LRMDA: variants seen among roughly 807,000 people sequenced by gnomAD.
LRMDA encodes the protein leucine-rich melanocyte differentiation-associated protein.
In LRMDA, 18 loss-of-function variants were observed where a neutral mutation model predicts 29.8. The ratio of observed to expected loss-of-function variants is 0.60; its 90% CI spans 0.42 to 0.90. The LOEUF (loss-of-function observed/expected upper bound fraction) is 0.90, where lower values mean the gene tolerates loss of function less well. LRMDA is among the 40% of genes least tolerant of loss of function. LRMDA has a pLI of 0.00. For synonymous variants in LRMDA, 125 were observed against 109.4 expected (o/e 1.14, Z -0.89); for missense variants, 273 against 273.9 (o/e 1.00, Z 0.02).
intron 6 of LRMDA, among the ~76,000 whole-genome samples, chr10:76,458,033 G>T (rs966371333): frequency 1.3e-5 from 2 of 150,914 alleles, no homozygotes; most frequent in African/African-American, 4.9e-5. Flanking sequence ...CCTCAACCTG[G>T]AACTCCTCTA....
rs375626127 is a variant in LRMDA, at chr10:76,240,179, T to TAC, written c.517-84209_517-84208dup. ...CAAGGAAATGCAAATCAAAATCGCA[T>TAC]ACACACACACACACCACACACACAC... On this transcript the variant is annotated intron_variant, in intron 5 of 6. Coordinates refer to ENST00000611255, the MANE Select transcript of LRMDA (RefSeq NM_001305581.2). Among the ~76,000 whole-genome samples the TAC allele has an allele frequency of 4.0e-5, 6 of 148,654 alleles. No individual in the cohort carries two copies. The South Asian group carries it at 6.3e-4, about 16-fold the overall frequency.
chr10:75,694,086 A>G (rs571665978), intron 2 of LRMDA, among the ~76,000 whole-genome samples: 1 of 152,374 alleles, frequency 6.6e-6, no homozygotes, highest in African/African-American at 2.4e-5. Context: ...TTGACAACAA[A>G]AAATTAACCA....
At position 75,985,405 on chromosome 10, in the gene LRMDA, T is replaced by C. The variant is rs563839286; in HGVS notation, c.132-50603T>C. Among the ~76,000 whole-genome samples the C allele has an allele frequency of 1.3e-4, 20 of 152,312 alleles. No individual in the cohort carries two copies. In the East Asian group the frequency reaches 3.1e-3, roughly 24 times the overall value. On this transcript the variant is annotated intron_variant, in intron 2 of 6. Coordinates refer to ENST00000611255, the MANE Select transcript of LRMDA (RefSeq NM_001305581.2). ...GCCTGACTAGAGCCACAGGCTCAAATAACACAGTTGCTGCCATCTCTCTCC... is the reference window on the plus strand; with the variant it reads ...GCCTGACTAGAGCCACAGGCTCAAACAACACAGTTGCTGCCATCTCTCTCC...
intron 2 of LRMDA, among the ~76,000 whole-genome samples, chr10:75,664,817 A>C (rs1255268078): frequency 6.6e-6 from 1 of 152,210 alleles, no homozygotes; most frequent in Non-Finnish European, 1.5e-5. Context: ...TATCTGGAAA[A>C]AGTAATTCAA....
At chr10:75,549,427 C>T (rs1330863289) in intron 2 of LRMDA, among the ~76,000 whole-genome samples, 2 of 151,942 alleles carry the variant, frequency 1.3e-5, no homozygotes, top group Admixed American at 1.3e-4. Flanking sequence ...TACCAACAGA[C>T]CACTGTATTT....
intron 5 of LRMDA, among the ~76,000 whole-genome samples, chr10:76,170,598 A>G (rs1850817172): frequency 6.6e-6 from 1 of 152,232 alleles, no homozygotes; most frequent in Non-Finnish European, 1.5e-5. Context: ...AGATTTAACT[A>G]ATTCTGCCCT....
chr10:75,969,408 A>C (rs1340413621), intron 2 of LRMDA, among the ~76,000 whole-genome samples: 1 of 152,224 alleles, frequency 6.6e-6, no homozygotes, highest in Non-Finnish European at 1.5e-5. Flanking sequence ...AATCATGTTA[A>C]CAGCCATTTT....
chr10:76,056,008 C>T (rs1395241564), intron 4 of LRMDA, among the ~76,000 whole-genome samples: 1 of 152,200 alleles, frequency 6.6e-6, no homozygotes, highest in Admixed American at 6.5e-5. Flanking sequence ...TGGTGGGTCC[C>T]AAGTTGTTGT....
chr10:75,779,829 C>A (rs999136173), intron 2 of LRMDA, among the ~76,000 whole-genome samples: 7 of 152,258 alleles, frequency 4.6e-5, no homozygotes, highest in Non-Finnish European at 8.8e-5. Context: ...GTGACCCCCC[C>A]AGCCCTACAA....
intron 6 of LRMDA, among the ~76,000 whole-genome samples, chr10:76,348,982 G>A (rs1482332744): frequency 1.3e-5 from 2 of 152,168 alleles, no homozygotes; most frequent in East Asian, 1.9e-4. Context: ...GTGTTGAGGA[G>A]GTCAAATACT....
At chr10:75,964,328 C>T (rs1227621953) in intron 2 of LRMDA, among the ~76,000 whole-genome samples, 4 of 152,084 alleles carry the variant, frequency 2.6e-5, no homozygotes, top group Non-Finnish European at 5.9e-5. Flanking sequence ...CCAGAGGAGA[C>T]AGATTGGGGG....
At chr10:76,264,406 CAAAAAA>C (rs59846541) in intron 5 of LRMDA, among the ~76,000 whole-genome samples, 1 of 34,270 alleles carries the variant, frequency 2.9e-5, no homozygotes, top group African/African-American at 1.1e-4. Flanking sequence ...GACTCTGTCT[CAAAAAA>C]AAAAAAAAAA....
chr10:75,832,728 C>T (rs1482290498), intron 2 of LRMDA, among the ~76,000 whole-genome samples: 2 of 152,222 alleles, frequency 1.3e-5, no homozygotes, highest in Admixed American at 1.3e-4. Flanking sequence ...GGAAGCCTCA[C>T]AATCATGGCA....
intron 2 of LRMDA, among the ~76,000 whole-genome samples, chr10:75,707,849 G>A (rs1453956957): frequency 6.6e-6 from 1 of 152,118 alleles, no homozygotes; most frequent in African/African-American, 2.4e-5. Flanking sequence ...GGGGACTGGG[G>A]CTTTTTTGCC....
chr10:76,332,574 C>T lies in LRMDA; in HGVS notation c.601+8089C>T, dbSNP rs532805518. Reference sequence around the variant, plus strand: ...ATGAGAGGTCAGAATGACAACTCTTCCCCCAACAGACAGTCCCAATAAAAA... The same window carrying T: ...ATGAGAGGTCAGAATGACAACTCTTTCCCCAACAGACAGTCCCAATAAAAA... On this transcript the variant is annotated intron_variant, in intron 6 of 6. Transcript: ENST00000611255. 1.4e-4 allele frequency among the ~76,000 whole-genome samples: 22 copies of T among 152,278 alleles called. No individual in the cohort carries two copies. The South Asian group carries it at 3.9e-3, about 27-fold the overall frequency.
intron 5 of LRMDA, among the ~76,000 whole-genome samples, chr10:76,096,893 A>G (rs1043796595): frequency 2.0e-5 from 3 of 152,110 alleles, no homozygotes; most frequent in African/African-American, 4.8e-5. Flanking sequence ...TTAATTTCCA[A>G]TTGTTCATTG....
intron 2 of LRMDA, among the ~76,000 whole-genome samples, chr10:75,734,127 G>A (rs1023577445): frequency 6.6e-6 from 1 of 152,166 alleles, no homozygotes; most frequent in Non-Finnish European, 1.5e-5. Flanking sequence ...GACTGCTCAG[G>A]GCTGGAGTGT....
chr10:76,063,476 G>A (rs893445440), intron 5 of LRMDA, among the ~76,000 whole-genome samples: 2 of 151,956 alleles, frequency 1.3e-5, no homozygotes, highest in African/African-American at 2.4e-5. Flanking sequence ...TTTTCCCATC[G>A]TGTAGTTTGT....
intron 6 of LRMDA, among the ~76,000 whole-genome samples, chr10:76,468,191 A>G (rs1207352170): frequency 1.3e-5 from 2 of 152,178 alleles, no homozygotes; most frequent in African/African-American, 2.4e-5. Flanking sequence ...GAGCCACTAT[A>G]TGTTTTGTCA....
Sources: gnomAD v4.1 joint callset for allele counts (sites outside exome capture counted in the v4.1 genomes callset) on GRCh38, gnomAD v4.1.1 for gene constraint, MANE v1.5 for transcripts, NCBI Gene and HGNC (gene_info 2026-07-23, HGNC 2026-07-21) for gene names.